Variants in ORM1 observed in about 807,000 individuals in gnomAD.
The protein encoded by ORM1 is alpha-1-acid glycoprotein 1.
In ORM1, 13 loss-of-function variants were observed where a neutral mutation model predicts 26.9. The observed-to-expected ratio is 0.48, with a 90% CI of 0.31 to 0.77. The LOEUF (loss-of-function observed/expected upper bound fraction) is 0.77, where lower values mean the gene tolerates loss of function less well. ORM1 is among the 30% of genes least tolerant of loss of function. ORM1 has a pLI of 0.04. For missense variants in ORM1, 189 were observed against 246.8 expected, an observed-to-expected ratio of 0.77 and a Z score of 1.57; for synonymous variants, 76 against 102.2, an observed-to-expected ratio of 0.74 and a Z score of 1.55.
rs759696863 is a variant in ORM1, at chr9:114,323,232, C to T, written c.99C>T (p.Asn33=). ...ACCTAGTACCGGTGCCCATCACCAA[C>T]GCCACCCTGGACCGGGTGAGTGCCT... ...CANLVPVPIT[N]ATLDRITGKW... The change falls in exon 1 of 6, where the codon AAC becomes AAT. Residue 33 remains asparagine, a synonymous_variant. Coordinates refer to ENST00000259396, the MANE Select transcript of ORM1 (RefSeq NM_000607.4). 5.2e-5 allele frequency: 83 copies of T among 1,593,530 alleles called. No individual in the cohort carries two copies. The highest frequency in any genetic ancestry group is 3.8e-4 in the Admixed American group (22 of 57,384).
At chr9:114,325,320 G>C in intron 5 of ORM1, 168 bp downstream of exon 5, 1 of 604,764 alleles carries the variant, frequency 1.7e-6, no homozygotes, top group Non-Finnish European at 2.8e-6. Context: ...AGAGGCCCAG[G>C]GGTGGTGGAT....
In ORM1 at chr9:114,323,374, C is replaced by T; in HGVS notation, c.114+127C>T. On this transcript the variant is annotated intron_variant, in intron 1 of 5. Transcript: ENST00000259396. Reference sequence around the variant, plus strand: ...TCTGCCTTTTTCTCTTCTGGGTCCCCAGGGTGAAATTCTCACCAGCCCAGG... The same window carrying T: ...TCTGCCTTTTTCTCTTCTGGGTCCCTAGGGTGAAATTCTCACCAGCCCAGG... 1.9e-6 allele frequency: 3 copies of T among 1,560,652 alleles called. No individual in the cohort carries two copies. The South Asian group carries it at 3.5e-5, about 18-fold the overall frequency.
In ORM1 at chr9:114,323,165, G is replaced by A. The variant is rs1432319437; in HGVS notation, c.32G>A (p.Ser11Asn). The change falls in exon 1 of 6, where the codon AGC becomes AAC. Residue 11 changes from serine to asparagine, a missense_variant. Physicochemically the swap from Ser to Asn is conservative, Grantham distance 46 (BLOSUM62 1). Around this residue, in one of 3 missense-constraint regions of ORM1, gnomAD observed 20 missense variants for 64.2 expected, o/e 0.31. Transcript: ENST00000259396. Reference sequence around the variant, plus strand: ...CTGTCCTGGGTTCTTACAGTCCTGAGCCTCCTACCTCTGCTGGAAGCCCAG... The same window carrying A: ...CTGTCCTGGGTTCTTACAGTCCTGAACCTCCTACCTCTGCTGGAAGCCCAG... MALSWVLTVL[S>N]LLPLLEAQIP... 7 of 1,534,916 alleles carry A rather than the reference G, an allele frequency of 4.6e-6. No individual in the cohort carries two copies. The East Asian group carries it at 1.6e-4, about 35-fold the overall frequency.
intron 3 of ORM1, 38 bp downstream of exon 3, chr9:114,324,126 G>C: frequency 1.3e-6 from 2 of 1,586,738 alleles, no homozygotes; most frequent in Non-Finnish European, 1.7e-6. Flanking sequence ...TTCACTGTGG[G>C]AACAGGGCAG....
At chr9:114,324,656 C>A in intron 3 of ORM1, 134 bp from the exon 4 acceptor site, 1 of 751,042 alleles carries the variant, frequency 1.3e-6, no homozygotes, top group Admixed American at 2.7e-5. Context: ...GCTGGGCACA[C>A]GGTGGCCCAA....
intron 1 of ORM1, 108 bp downstream of exon 1, chr9:114,323,355 T>C (rs1687381): frequency 0.63 from 996,350 of 1,585,596 alleles, 316,917 homozygotes; most frequent in East Asian, 0.86. Flanking sequence ...CGGCTCTGCC[T>C]TTTTCTCTTC....
In ORM1 at chr9:114,325,163, G is replaced by A. The variant is rs780844510; in HGVS notation, c.540+11G>A. 8 of 1,613,262 alleles carry A rather than the reference G, an allele frequency of 5.0e-6. No individual in the cohort carries two copies. The highest frequency in any genetic ancestry group is 1.7e-5 in the Admixed American group (1 of 60,014). On this transcript the variant is annotated intron_variant, in intron 5 of 5. Transcript: ENST00000259396. ...ACCGATTGGAAAAAGGTAAACGCAA[G>A]GGATTGGACAGTGCCCACCTTGTCC...
In ORM1 at chr9:114,323,898, G is replaced by C. The variant is rs1003849413; in HGVS notation, c.257+93G>C. 42 of 1,603,990 alleles carry C rather than the reference G, an allele frequency of 2.6e-5. No individual in the cohort carries two copies. The African/African-American group carries it at 4.7e-4, about 18-fold the overall frequency. On this transcript the variant is annotated intron_variant, in intron 2 of 5. Coordinates refer to ENST00000259396, the MANE Select transcript of ORM1 (RefSeq NM_000607.4). ...TTCTTCCTGGCCTTGGCCTTCCCAT[G>C]GGTGGAACCGGGAGGGCTGGCTTTA...
intron 3 of ORM1, 63 bp from the exon 4 acceptor site, chr9:114,324,727 C>T: frequency 1.5e-6 from 2 of 1,373,222 alleles, no homozygotes; most frequent in East Asian, 4.6e-5. Context: ...GCCTCCTCAC[C>T]TGTAAGACAG....
At chr9:114,324,708 C>A (rs1829740283) in intron 3 of ORM1, 82 bp from the exon 4 acceptor site, 2 of 1,149,764 alleles carry the variant, frequency 1.7e-6, no homozygotes, top group Non-Finnish European at 2.5e-6. Flanking sequence ...TGGCCACTGA[C>A]ACACCTAGGC....
chr9:114,325,565 C>G (rs1311471164), intron 5 of ORM1, among the ~76,000 whole-genome samples: 5 of 152,050 alleles, frequency 3.3e-5, no homozygotes, highest in African/African-American at 1.2e-4. Context: ...GTCACCCACA[C>G]TGCAGCACGG....
At chr9:114,324,216 T>G in intron 3 of ORM1, 128 bp downstream of exon 3, 6 of 884,800 alleles carry the variant, frequency 6.8e-6, no homozygotes, top group Non-Finnish European at 1.1e-5. Context: ...TTTTGAGCTC[T>G]AACGATGTGC....
chr9:114,324,780 T>C lies in ORM1; in HGVS notation c.329-10T>C. On this transcript the variant is annotated splice_polypyrimidine_tract_variant and intron_variant, in intron 3 of 5. Transcript: ENST00000259396. ...CATGTTCTCACCCAGAGGCTCCTTT[T>C]CTCTTCCAGTGGGAGGCCAAGAGCA... The C allele has an allele frequency of 6.2e-7, 1 of 1,609,462 alleles. No individual in the cohort carries two copies. Among genetic ancestry groups the C allele is most frequent in the Non-Finnish European group, 8.5e-7 (1 of 1,175,884 alleles).
chr9:114,325,111 C>A lies in ORM1; in HGVS notation c.499C>A (p.Arg167Ser), dbSNP rs3182034. The A allele has an allele frequency of 5.0e-6, 8 of 1,613,638 alleles. No individual in the cohort carries two copies. Among genetic ancestry groups the A allele is most frequent in the Admixed American group, 1.7e-5 (1 of 60,000 alleles). Residue 167 changes from arginine (R) to serine (S), a missense_variant, in exon 5 of 6, where the codon CGC becomes AGC. This residue lies in a region of ORM1 where 163 missense variants were observed against 157.7 expected (regional missense o/e 1.03). Coordinates refer to ENST00000259396, the MANE Select transcript of ORM1 (RefSeq NM_000607.4). ...GEFYEALDCLRIPKSDVVYTD... is the reference protein window; with the variant it reads ...GEFYEALDCLSIPKSDVVYTD... ...GTTCTACGAAGCTCTCGACTGCTTG[C>A]GCATTCCCAAGTCAGATGTCGTGTA...
Position 114,324,771 on chromosome 9 carries a change from GGC to G in ORM1, c.329-18_329-17del, listed in dbSNP as rs745583031. On this transcript the variant is annotated splice_polypyrimidine_tract_variant and intron_variant, in intron 3 of 5. Transcript: ENST00000259396. The stretch of plus-strand genomic sequence containing the variant: ...GTGCCATCCCATGTTCTCACCCAGA[GGC>G]TCCTTTTCTCTTCCAGTGGGAGGCC... 5.6e-6 allele frequency: 9 copies of G among 1,596,410 alleles called. No homozygotes were observed. In the East Asian group the frequency reaches 1.8e-4, roughly 32 times the overall value.
intron 3 of ORM1, among the ~76,000 whole-genome samples, 168 bp from the exon 4 acceptor site, chr9:114,324,622 C>T (rs537064703): frequency 2.3e-3 from 354 of 152,242 alleles, no homozygotes; most frequent in African/African-American, 7.9e-3. Context: ...AAGTGCTTGG[C>T]GTGGAGCTGG....
rs1126721 is a variant in ORM1 at position 114,324,853 on chromosome 9, C to G, written c.392C>G (p.Ala131Gly). 3 of 1,614,202 alleles carry G rather than the reference C, an allele frequency of 1.9e-6. No homozygotes were observed. Among genetic ancestry groups the G allele is most frequent in the Non-Finnish European group, 1.7e-6 (2 of 1,180,018 alleles). The change falls in exon 4 of 6, where the codon GCT becomes GGT. Residue 131 changes from alanine (A) to glycine (G), a missense_variant. This residue lies in a region of ORM1 where 163 missense variants were observed against 157.7 expected (regional missense o/e 1.03). Coordinates refer to ENST00000259396, the MANE Select transcript of ORM1 (RefSeq NM_000607.4). ...ILRDTKTYML[A>G]FDVNDEKNWG... ...AGGGACACCAAGACCTACATGCTTG[C>G]TTTTGACGTGAACGATGAGAAGAAC...
rs1687386 is a variant in ORM1, at chr9:114,325,917, C to T, written c.541-375C>T. Among the ~76,000 whole-genome samples the T allele has an allele frequency of 9.6e-3, 1,398 of 145,918 alleles. 1 individual carries two copies. The highest frequency in any genetic ancestry group is 0.015 in the Non-Finnish European group (974 of 63,688). The stretch of plus-strand genomic sequence containing the variant: ...CTCACCTGATCCACAGCCTGGCACC[C>T]CCACTGTCTGGCTAGGGAGCCTCGA... On this transcript the variant is annotated intron_variant, in intron 5 of 5. Transcript: ENST00000259396.
In ORM1 at chr9:114,324,685, C is replaced by T. The variant is rs148301136; in HGVS notation, c.329-105C>T. ...GGCCCAAAGGAGCCCTGGGCCTTCACTGATGGGCTGTGTGGCCACTGACAC... is the reference window on the plus strand; with the variant it reads ...GGCCCAAAGGAGCCCTGGGCCTTCATTGATGGGCTGTGTGGCCACTGACAC... On this transcript the variant is annotated intron_variant, in intron 3 of 5. Coordinates refer to ENST00000259396, the MANE Select transcript of ORM1 (RefSeq NM_000607.4). 7.9e-4 allele frequency: 745 copies of T among 946,390 alleles called. 11 individuals carry two copies. The African/African-American group carries it at 0.011, about 14-fold the overall frequency. The allele number at this position is 946,390 out of a possible 1,614,324, so 58.6% of individuals were successfully genotyped here. A position where few individuals can be genotyped will look rare whatever the true frequency, so the allele number is the denominator to read the frequency against.
Sources: allele counts gnomAD v4.1 joint callset (sites outside exome capture counted in the v4.1 genomes callset), GRCh38; gene constraint gnomAD v4.1.1; regional missense constraint gnomAD v4.1.1; transcripts MANE v1.5; gene names NCBI Gene and HGNC (gene_info 2026-07-23, HGNC 2026-07-21).